The following CALN1 variants were observed in gnomAD, a reference collection of about 807,000 sequenced individuals.
CALN1 encodes the protein calcium-binding protein 8.
CALN1 carries 17 observed loss-of-function variants against 30.6 expected under a neutral mutation model. That is an observed-to-expected ratio of 0.56 (90% CI 0.38 to 0.83). The LOEUF is 0.83. Ranked by LOEUF, CALN1 falls within the 40% of genes least tolerant of loss-of-function variation. The probability of loss-of-function intolerance (pLI) is 0.00; values close to 1 mark genes in which losing one functional copy is unlikely to be tolerated. For missense variants in CALN1, 291 were observed against 354.9 expected (o/e 0.82, Z 1.45); for synonymous variants, 156 against 131.4 (o/e 1.19, Z -1.28).
intron 3 of CALN1, among the ~76,000 whole-genome samples, chr7:72,171,184 A>T (rs1788934614): frequency 6.6e-6 from 1 of 152,196 alleles, no homozygotes; most frequent in Non-Finnish European, 1.5e-5. Context: ...AAGATTTCAC[A>T]GAGTCAAAAT....
At chr7:71,843,067 T>C (rs1242475621) in intron 5 of CALN1, among the ~76,000 whole-genome samples, 2 of 152,190 alleles carry the variant, frequency 1.3e-5, no homozygotes, top group East Asian at 3.8e-4. Context: ...GATGTGAGGA[T>C]GGGTATTGGA....
chr7:71,880,772 T>C (rs762829718), intron 5 of CALN1, among the ~76,000 whole-genome samples: 1 of 152,162 alleles, frequency 6.6e-6, no homozygotes, highest in Non-Finnish European at 1.5e-5. Context: ...ATTTCAGTAA[T>C]GGGAATTCCA....
intron 3 of CALN1, among the ~76,000 whole-genome samples, chr7:72,204,343 A>C (rs1193954542): frequency 6.6e-6 from 1 of 151,940 alleles, no homozygotes; most frequent in Non-Finnish European, 1.5e-5. Context: ...AACTATACAC[A>C]GTTCGTTGTT....
At chr7:72,145,565 C>G (rs545821832) in intron 3 of CALN1, among the ~76,000 whole-genome samples, 1 of 152,270 alleles carries the variant, frequency 6.6e-6, no homozygotes, top group African/African-American at 2.4e-5. Context: ...GGTACCATTC[C>G]TTCTGAAACT....
At chr7:72,118,684 G>A (rs1263142496) in intron 3 of CALN1, among the ~76,000 whole-genome samples, 2 of 142,560 alleles carry the variant, frequency 1.4e-5, no homozygotes, top group African/African-American at 5.1e-5. Context: ...GAAAATGAGT[G>A]GATGAGATTT....
intron 6 of CALN1, among the ~76,000 whole-genome samples, chr7:71,788,547 A>G (rs1002898471): frequency 2.1e-5 from 3 of 144,322 alleles, no homozygotes; most frequent in Non-Finnish European, 4.5e-5. Context: ...GCTGGAGTGC[A>G]GTGGTACTAC....
At chr7:72,174,778 C>A (rs1452133899) in intron 3 of CALN1, among the ~76,000 whole-genome samples, 1 of 152,144 alleles carries the variant, frequency 6.6e-6, no homozygotes, top group Non-Finnish European at 1.5e-5. Flanking sequence ...ATTGCAAGGA[C>A]CATCATGGAA....
intron 2 of CALN1, among the ~76,000 whole-genome samples, chr7:72,294,915 G>A (rs549026061): frequency 3.9e-5 from 6 of 152,206 alleles, no homozygotes; most frequent in African/African-American, 1.4e-4. Context: ...TTTAATGTGT[G>A]CATTTCTGAG....
chr7:72,055,974 C>A (rs150707590), intron 4 of CALN1, among the ~76,000 whole-genome samples: 1 of 152,148 alleles, frequency 6.6e-6, no homozygotes, highest in Non-Finnish European at 1.5e-5. Flanking sequence ...GAGCTATGAT[C>A]GCACCACTGT....
intron 5 of CALN1, among the ~76,000 whole-genome samples, chr7:71,886,285 C>A (rs1332279846): frequency 1.3e-5 from 2 of 152,250 alleles, no homozygotes; most frequent in African/African-American, 2.4e-5. Flanking sequence ...AAAGTCACAG[C>A]AGCCCAAGTT....
the CALN1 span, among the ~76,000 whole-genome samples, chr7:72,456,195 AAAG>A: frequency 1.3e-5 from 2 of 150,742 alleles, no homozygotes; most frequent in Non-Finnish European, 2.9e-5. Context: ...AAAAAAAAAA[AAAG>A]AGAGAGAGAG....
At chr7:71,994,708 G>T (rs188677308) in intron 5 of CALN1, among the ~76,000 whole-genome samples, 1 of 152,066 alleles carries the variant, frequency 6.6e-6, no homozygotes, top group African/African-American at 2.4e-5. Flanking sequence ...GGAGAAAGAT[G>T]AGTTGCCAGT....
rs1243673976 is a variant in CALN1 at position 72,146,862 on chromosome 7, C to T, written c.245-40568G>A. ...TGACAAACCTGACAAAAACAAGAAA[C>T]GGGGAAAGGATTCCCTATTTAACAA... is the stretch of plus-strand genomic sequence containing the variant. On this transcript the variant is annotated intron_variant, in intron 3 of 6. Transcript: ENST00000395275. 2.0e-4 allele frequency among the ~76,000 whole-genome samples: 31 copies of T among 152,088 alleles called. No homozygotes were observed. In the East Asian group the frequency reaches 3.1e-3, roughly 15 times the overall value.
Position 72,232,282 on chromosome 7 carries a change from G to C in CALN1, c.244+46404C>G, listed in dbSNP as rs560630330. On this transcript the variant is annotated intron_variant, in intron 3 of 6. Transcript: ENST00000395275. ...TAGAACCGTCATCGCAGAGGTGAAA[G>C]CCAAAAGTAATCCAGGTCCGGGAAG... 1.6e-3 allele frequency among the ~76,000 whole-genome samples: 250 copies of C among 152,278 alleles called. 2 individuals carry two copies. Among genetic ancestry groups the C allele is most frequent in the Non-Finnish European group, 3.0e-3 (204 of 68,022 alleles).
chr7:72,027,468 TG>T (rs1801137799), intron 4 of CALN1, among the ~76,000 whole-genome samples: 1 of 152,144 alleles, frequency 6.6e-6, no homozygotes, highest in African/African-American at 2.4e-5. Context: ...CCTAGCACTT[TG>T]GGAGGCCGAG....
At chr7:72,462,516 C>G in the CALN1 span, among the ~76,000 whole-genome samples, 1 of 152,142 alleles carries the variant, frequency 6.6e-6, no homozygotes, top group Non-Finnish European at 1.5e-5. Context: ...GGCTGGTGTG[C>G]GGTGCCTGCT....
intron 4 of CALN1, among the ~76,000 whole-genome samples, chr7:72,068,032 A>G (rs1181339791): frequency 6.6e-6 from 1 of 152,232 alleles, no homozygotes; most frequent in Non-Finnish European, 1.5e-5. Flanking sequence ...AACTAAACTA[A>G]TTCAGCAATC....
At chr7:72,025,458 C>A (rs188420753) in intron 4 of CALN1, among the ~76,000 whole-genome samples, 1 of 152,348 alleles carries the variant, frequency 6.6e-6, no homozygotes, top group East Asian at 1.9e-4. Flanking sequence ...AACACCAAAG[C>A]AGGCATTCAG....
intron 5 of CALN1, among the ~76,000 whole-genome samples, chr7:71,814,196 C>A (rs1250187378): frequency 6.6e-6 from 1 of 152,160 alleles, no homozygotes; most frequent in African/African-American, 2.4e-5. Context: ...CTGCTCTGAG[C>A]CTCTGACCGC....
Sources: allele counts gnomAD v4.1 joint callset (sites outside exome capture counted in the v4.1 genomes callset), GRCh38; gene constraint gnomAD v4.1.1; transcripts MANE v1.5; gene names NCBI Gene and HGNC (gene_info 2026-07-23, HGNC 2026-07-21).